GLG1: variants seen among roughly 807,000 people sequenced by gnomAD.
GLG1 encodes the protein Golgi apparatus protein 1.
GLG1 carries 38 observed loss-of-function variants against 160.5 expected under a neutral mutation model. The observed-to-expected ratio is 0.24, with a 90% CI of 0.18 to 0.31. GLG1 has a LOEUF of 0.31. Among genes scored for constraint, GLG1 ranks in the 10% least tolerant of loss-of-function variants. The pLI is 1.00. For missense variants in GLG1, 1,373 were observed against 1,505.2 expected, an observed-to-expected ratio of 0.91 and a Z score of 1.45; for synonymous variants, 644 against 543.4, an observed-to-expected ratio of 1.19 and a Z score of -2.57.
At chr16:74,463,190 AT>A in intron 20 of GLG1, 165 bp downstream of exon 20, 1 of 634,688 alleles carries the variant, frequency 1.6e-6, no homozygotes, top group Non-Finnish European at 2.7e-6. Context: ...CTCTCCCTCC[AT>A]TTTTCTGGAT....
chr16:74,515,992 C>T (rs1234929321), intron 2 of GLG1, among the ~76,000 whole-genome samples: 1 of 151,518 alleles, frequency 6.6e-6, no homozygotes, highest in Non-Finnish European at 1.5e-5. Context: ...ATCAATTCAA[C>T]AAGAAGAGCT....
intron 1 of GLG1, among the ~76,000 whole-genome samples, chr16:74,600,376 G>A (rs573277253): frequency 1.7e-4 from 26 of 152,004 alleles, no homozygotes; most frequent in Middle Eastern, 3.4e-3. Flanking sequence ...CAGCCTGGGA[G>A]ATAGAGTAAG....
In GLG1 at chr16:74,589,567, C is replaced by T. The variant is rs981046648; in HGVS notation, c.438+17090G>A. Among the ~76,000 whole-genome samples the T allele has an allele frequency of 3.3e-5, 5 of 152,120 alleles. No homozygotes were observed. The East Asian group carries it at 9.6e-4, about 29-fold the overall frequency. ...CTCTGTACTCTCCAAAAGCCCACACCACTACACTATTTATTTGCGGGTGTG... is the reference window on the plus strand; with the variant it reads ...CTCTGTACTCTCCAAAAGCCCACACTACTACACTATTTATTTGCGGGTGTG... On this transcript the variant is annotated intron_variant, in intron 1 of 25. Coordinates refer to ENST00000422840, the MANE Select transcript of GLG1 (RefSeq NM_001145667.2).
chr16:74,480,922 A>G (rs2015575593), intron 10 of GLG1, among the ~76,000 whole-genome samples: 1 of 152,210 alleles, frequency 6.6e-6, no homozygotes, highest in South Asian at 2.1e-4. Context: ...ATAACTTTCT[A>G]TAGAAGTTTG....
chr16:74,585,120 T>C (rs191819116), intron 1 of GLG1, among the ~76,000 whole-genome samples: 283 of 27,326 alleles, frequency 0.01, no homozygotes, highest in South Asian at 0.056. Context: ...CTAAGTAAAA[T>C]TGACCAGGCA....
intron 1 of GLG1, among the ~76,000 whole-genome samples, chr16:74,578,633 C>G (rs978309383): frequency 1.3e-5 from 2 of 152,286 alleles, no homozygotes; most frequent in South Asian, 2.1e-4. Flanking sequence ...AGATGCATTA[C>G]TTGGTTTAAA....
chr16:74,473,635 T>C (rs1216715012), intron 13 of GLG1, among the ~76,000 whole-genome samples: 1 of 151,744 alleles, frequency 6.6e-6, no homozygotes, highest in African/African-American at 2.4e-5. Flanking sequence ...ACAGACGGGG[T>C]TTCACCGTGT....
At chr16:74,533,003 G>A (rs892132627) in intron 1 of GLG1, among the ~76,000 whole-genome samples, 1 of 152,162 alleles carries the variant, frequency 6.6e-6, no homozygotes, top group Admixed American at 6.5e-5. Context: ...GCTTTGTAAA[G>A]CCAGATACAC....
At chr16:74,606,621 A>G (rs768147084) in intron 1 of GLG1, 36 bp downstream of exon 1, 1 of 1,512,242 alleles carries the variant, frequency 6.6e-7, no homozygotes. Context: ...GGCCCGCACC[A>G]GGCCTGGCCC....
chr16:74,494,851 C>T lies in GLG1; in HGVS notation c.979-20G>A, dbSNP rs1260629875. 1.9e-5 allele frequency: 22 copies of T among 1,181,378 alleles called. No individual in the cohort carries two copies. Among genetic ancestry groups the T allele is most frequent in the Middle Eastern group, 3.8e-4 (2 of 5,220 alleles). 73.2% of individuals were successfully genotyped at this position (1,181,378 alleles called of 1,614,324 possible). ...TTGTGTCTATAAGATGGAACATACA[C>T]ATTATTATTACTTTAGCTAAATAGT... On this transcript the variant is annotated intron_variant, in intron 5 of 25. Coordinates refer to ENST00000422840, the MANE Select transcript of GLG1 (RefSeq NM_001145667.2).
intron 1 of GLG1, among the ~76,000 whole-genome samples, chr16:74,596,371 A>G (rs1017406147): frequency 2.0e-5 from 3 of 152,042 alleles, no homozygotes; most frequent in African/African-American, 4.8e-5. Flanking sequence ...TCTACTAAAA[A>G]TACAAAAATT....
chr16:74,479,050 C>CAAA (rs2015499298), intron 11 of GLG1, among the ~76,000 whole-genome samples: 1 of 4,034 alleles, frequency 2.5e-4, no homozygotes, highest in Non-Finnish European at 8.4e-4. Context: ...TATTAAAAAT[C>CAAA]CAAAAAAAAA....
chr16:74,521,817 C>A (rs2017173818), intron 2 of GLG1, among the ~76,000 whole-genome samples: 1 of 152,146 alleles, frequency 6.6e-6, no homozygotes, highest in African/African-American at 2.4e-5. Context: ...CATTTTCTCC[C>A]CATGGCCGTT....
At chr16:74,468,015 A>C (rs538342307) in intron 17 of GLG1, 167 bp from the exon 18 acceptor site, 21 of 575,222 alleles carry the variant, frequency 3.7e-5, no homozygotes, top group Non-Finnish European at 6.2e-5. Context: ...TCTGTCACCA[A>C]ATAGCTGCAT....
intron 3 of GLG1, 102 bp downstream of exon 3, chr16:74,508,737 C>G (rs2016701053): frequency 3.2e-6 from 2 of 627,194 alleles, no homozygotes; most frequent in Admixed American, 2.4e-5. Context: ...GATGTGAATT[C>G]TAAGAAAAGT....
rs766089195 is a variant in GLG1 at position 74,472,557 on chromosome 16, T to C, written c.2053-146A>G. ...AAACGATTCTAGTATTTGAAGTAGA[T>C]AGCCCCAGAATAAATATAGAACTGC... On this transcript the variant is annotated intron_variant, in intron 13 of 25. Coordinates refer to ENST00000422840, the MANE Select transcript of GLG1 (RefSeq NM_001145667.2). 4.7e-5 allele frequency: 70 copies of C among 1,480,576 alleles called. No homozygotes were observed. The South Asian group carries it at 7.6e-4, about 16-fold the overall frequency. The allele number at this position is 1,480,576 out of a possible 1,614,324, so 91.7% of individuals were successfully genotyped here. A position where few individuals can be genotyped will look rare whatever the true frequency, so the allele number is the denominator to read the frequency against.
At chr16:74,492,605 G>A (rs946683888) in intron 7 of GLG1, among the ~76,000 whole-genome samples, 1 of 151,700 alleles carries the variant, frequency 6.6e-6, no homozygotes, top group Non-Finnish European at 1.5e-5. Context: ...GATCACCTAA[G>A]TTTGGGAGTT....
chr16:74,524,894 C>T (rs1437806263), intron 2 of GLG1, among the ~76,000 whole-genome samples: 2 of 152,188 alleles, frequency 1.3e-5, no homozygotes, highest in African/African-American at 4.8e-5. Flanking sequence ...TTCCTGGAAA[C>T]CACTAACCTT....
At chr16:74,603,973 T>C (rs1301223128) in intron 1 of GLG1, among the ~76,000 whole-genome samples, 1 of 148,754 alleles carries the variant, frequency 6.7e-6, no homozygotes, top group Non-Finnish European at 1.5e-5. Flanking sequence ...GCATGACTCA[T>C]CCGAGAGCGT....
Sources: allele counts gnomAD v4.1 joint callset (sites outside exome capture counted in the v4.1 genomes callset), GRCh38; gene constraint gnomAD v4.1.1; transcripts MANE v1.5; gene names NCBI Gene and HGNC (gene_info 2026-07-23, HGNC 2026-07-21).